Variants in TAF3 observed in about 807,000 individuals in gnomAD.
The protein encoded by TAF3 is transcription initiation factor TFIID subunit 3.
In TAF3, 7 loss-of-function variants were observed where a neutral mutation model predicts 80.6. The ratio of observed to expected loss-of-function variants is 0.09; its 90% CI spans 0.05 to 0.16. The LOEUF is 0.16. TAF3 is among the 10% of genes least tolerant of loss of function. The pLI is 1.00. For missense variants in TAF3, 921 were observed against 1,140.2 expected (o/e 0.81, Z 2.77); for synonymous variants, 444 against 446.1 (o/e 1.00, Z 0.06).
intron 2 of TAF3, among the ~76,000 whole-genome samples, chr10:7,917,228 G>A (rs927941790): frequency 2.0e-5 from 3 of 152,240 alleles, no homozygotes; most frequent in African/African-American, 7.2e-5. Context: ...GAAGAAGCAA[G>A]GAGGGAAAAG....
At chr10:7,888,046 C>T (rs1837425500) in intron 2 of TAF3, among the ~76,000 whole-genome samples, 2 of 152,146 alleles carry the variant, frequency 1.3e-5, no homozygotes, top group African/African-American at 4.8e-5. Flanking sequence ...GCTTAGGTTC[C>T]CTTGCTCTGC....
At chr10:7,966,226 G>A (rs1831570079) in intron 3 of TAF3, among the ~76,000 whole-genome samples, 1 of 152,196 alleles carries the variant, frequency 6.6e-6, no homozygotes, top group Non-Finnish European at 1.5e-5. Flanking sequence ...CGCCATTTTG[G>A]CATGTGTTTA....
intron 2 of TAF3, among the ~76,000 whole-genome samples, chr10:7,862,502 A>AT (rs1837158075): frequency 6.6e-6 from 1 of 151,876 alleles, no homozygotes; most frequent in Non-Finnish European, 1.5e-5. Context: ...TATTATCTTT[A>AT]TTTTTTTCTA....
Position 8,009,373 on chromosome 10 carries a change from A to T in TAF3, c.2568+43A>T. The T allele has an allele frequency of 6.4e-7, 1 of 1,559,768 alleles. No individual in the cohort carries two copies. Among genetic ancestry groups the T allele is most frequent in the East Asian group, 2.5e-5 (1 of 40,008 alleles). ...GCGCGGTTAGCATGGAGACGTTTTC[A>T]GATCGAGACAAGTGTGTGCTCTGAA... On this transcript the variant is annotated intron_variant, in intron 5 of 6. Coordinates refer to ENST00000344293, the MANE Select transcript of TAF3 (RefSeq NM_031923.4). This position sits in a 1 kb window ranked among gnomAD's most constrained non-coding sequence, Gnocchi z 4.1.
chr10:7,839,243 C>T (rs1182493413), intron 2 of TAF3, among the ~76,000 whole-genome samples: 2 of 152,008 alleles, frequency 1.3e-5, no homozygotes, highest in African/African-American at 4.8e-5. Context: ...TTTGAGCGCC[C>T]GTATAATATA....
chr10:7,979,678 T>C (rs1306913655), intron 4 of TAF3, among the ~76,000 whole-genome samples: 6 of 152,174 alleles, frequency 3.9e-5, no homozygotes, highest in African/African-American at 7.2e-5. Context: ...AAAATCCTTA[T>C]AATGAACAAA....
chr10:7,963,913 T>C lies in TAF3; in HGVS notation c.410-7T>C, dbSNP rs1564372304. 9 of 1,545,956 alleles carry C rather than the reference T, an allele frequency of 5.8e-6. No homozygotes were observed. Among genetic ancestry groups the C allele is most frequent in the Non-Finnish European group, 7.8e-6 (9 of 1,151,434 alleles). ...TATTTTTTTCTTCCTTTTTCTTCCTTTACCAGAAGAAGAAGAAGAGCAGGT... is the reference window on the plus strand; with the variant it reads ...TATTTTTTTCTTCCTTTTTCTTCCTCTACCAGAAGAAGAAGAAGAGCAGGT... On this transcript the variant is annotated splice_region_variant and splice_polypyrimidine_tract_variant and intron_variant, in intron 2 of 6. Coordinates refer to ENST00000344293, the MANE Select transcript of TAF3 (RefSeq NM_031923.4).
At chr10:7,836,554 G>A (rs534027245) in intron 2 of TAF3, among the ~76,000 whole-genome samples, 27 of 152,052 alleles carry the variant, frequency 1.8e-4, no homozygotes, top group Non-Finnish European at 3.1e-4. Flanking sequence ...GATTACAGGC[G>A]TGAGCCACTG....
intron 2 of TAF3, among the ~76,000 whole-genome samples, chr10:7,919,364 A>C (rs1837741739): frequency 6.6e-6 from 1 of 152,190 alleles, no homozygotes; most frequent in Non-Finnish European, 1.5e-5. Context: ...GGTCCTACCA[A>C]GTCCTTGCTG....
chr10:8,014,839 C>A lies in TAF3; in HGVS notation c.*88C>A. On this transcript the variant is annotated 3_prime_UTR_variant, in exon 7 of 7. Transcript: ENST00000344293. ...GGGAGCTGGTGCAAGTCTGCCGTCACATCCACCCCCAGATGCCTGTGGATA... is the reference window on the plus strand; with the variant it reads ...GGGAGCTGGTGCAAGTCTGCCGTCAAATCCACCCCCAGATGCCTGTGGATA... 8.8e-7 allele frequency: 1 copy of A among 1,136,730 alleles called. No individual in the cohort carries two copies. The highest frequency in any genetic ancestry group is 1.2e-6 in the Non-Finnish European group (1 of 802,328). 70.4% of individuals were successfully genotyped at this position (1,136,730 alleles called of 1,614,324 possible).
intron 2 of TAF3, among the ~76,000 whole-genome samples, chr10:7,923,907 A>G (rs1181762022): frequency 1.3e-5 from 2 of 152,238 alleles, no homozygotes; most frequent in African/African-American, 4.8e-5. Flanking sequence ...TTATAATGGA[A>G]CTGTTGAATT....
chr10:7,919,351 G>A (rs1267680440), intron 2 of TAF3, among the ~76,000 whole-genome samples: 1 of 152,194 alleles, frequency 6.6e-6, no homozygotes, highest in Non-Finnish European at 1.5e-5. Flanking sequence ...CCCGGGGAGG[G>A]ATGGTCCTAC....
chr10:8,013,694 C>T, intron 5 of TAF3, 37 bp from the exon 6 acceptor site: 1 of 1,559,462 alleles, frequency 6.4e-7, no homozygotes, highest in Admixed American at 1.7e-5. Context: ...TTTTCCCATT[C>T]CCTCCATTTT....
At chr10:7,943,237 T>A (rs1018821496) in intron 2 of TAF3, among the ~76,000 whole-genome samples, 2 of 152,180 alleles carry the variant, frequency 1.3e-5, no homozygotes, top group Non-Finnish European at 2.9e-5. Context: ...CTCACCTTGC[T>A]TGGTTTCTTG....
rs545165476 is a variant in TAF3, at chr10:7,934,304, A to G, written c.410-29616A>G. Among the ~76,000 whole-genome samples, 6 of 152,346 alleles carry G rather than the reference A, an allele frequency of 3.9e-5. No individual in the cohort carries two copies. In the South Asian group the frequency reaches 1.2e-3, roughly 32 times the overall value. The stretch of plus-strand genomic sequence containing the variant: ...AATGCATTGTCAGAATTTAATTGGC[A>G]GGAGTTTTTTCGTTAATGGCACGTA... On this transcript the variant is annotated intron_variant, in intron 2 of 6. Transcript: ENST00000344293.
intron 2 of TAF3, among the ~76,000 whole-genome samples, chr10:7,962,137 C>T (rs1831510499): frequency 6.6e-6 from 1 of 152,174 alleles, no homozygotes; most frequent in African/African-American, 2.4e-5. Context: ...AGGCATGAGC[C>T]ACCATGCCTG....
intron 1 of TAF3, among the ~76,000 whole-genome samples, chr10:7,821,727 C>T (rs1362979194): frequency 1.3e-5 from 2 of 152,130 alleles, no homozygotes; most frequent in African/African-American, 4.8e-5. Flanking sequence ...CTCTTCAACA[C>T]TAGTACTGTA....
chr10:7,830,838 A>T (rs1354297303), intron 2 of TAF3, among the ~76,000 whole-genome samples: 1 of 152,096 alleles, frequency 6.6e-6, no homozygotes, highest in East Asian at 1.9e-4. Flanking sequence ...TTTGTCTTAC[A>T]GTTTATTTGT....
chr10:7,913,890 A>C (rs1837680310), intron 2 of TAF3, among the ~76,000 whole-genome samples: 2 of 152,380 alleles, frequency 1.3e-5, no homozygotes, highest in South Asian at 4.1e-4. Flanking sequence ...TAAGTGATAC[A>C]GGAGGAGGGA....
Sources: allele counts gnomAD v4.1 joint callset (sites outside exome capture counted in the v4.1 genomes callset), GRCh38; gene constraint gnomAD v4.1.1; non-coding constraint Gnocchi (gnomAD v3.1); transcripts MANE v1.5; gene names NCBI Gene and HGNC (gene_info 2026-07-23, HGNC 2026-07-21).